Variants in ACSS3 observed in about 807,000 individuals in gnomAD.
ACSS3 encodes the protein acyl-CoA synthetase short-chain family member 3, mitochondrial.
A neutral mutation model predicts 84.2 loss-of-function variants in ACSS3; 64 were observed. The ratio of observed to expected loss-of-function variants is 0.76; its 90% CI spans 0.62 to 0.94. The LOEUF (loss-of-function observed/expected upper bound fraction) is 0.94, where lower values mean the gene tolerates loss of function less well. Among genes scored for constraint, ACSS3 ranks in the 40% least tolerant of loss-of-function variants. The pLI is 0.00. For synonymous variants in ACSS3, 317 were observed against 310.1 expected (o/e 1.02, Z -0.23); for missense variants, 815 against 867.6 (o/e 0.94, Z 0.76).
chr12:81,128,816 T>G (rs1358579372), intron 2 of ACSS3, among the ~76,000 whole-genome samples: 1 of 152,192 alleles, frequency 6.6e-6, no homozygotes, highest in Non-Finnish European at 1.5e-5. Flanking sequence ...CTGAAGTTGA[T>G]AAAAACTAGG....
chr12:81,209,132 C>A (rs1035932848), intron 9 of ACSS3, among the ~76,000 whole-genome samples: 12 of 151,822 alleles, frequency 7.9e-5, no homozygotes, highest in Non-Finnish European at 1.5e-4. Context: ...TGATCTTTAT[C>A]ATGGGAGCCT....
chr12:81,082,302 G>A (rs548382777), intron 1 of ACSS3, among the ~76,000 whole-genome samples: 16 of 152,284 alleles, frequency 1.1e-4, no homozygotes, highest in African/African-American at 3.4e-4. Flanking sequence ...CCACTTATAA[G>A]TGAGAACATG....
At chr12:81,242,488 A>T in intron 13 of ACSS3, among the ~76,000 whole-genome samples, 1 of 150,358 alleles carries the variant, frequency 6.7e-6, no homozygotes, top group Non-Finnish European at 1.5e-5. Context: ...AAAAGAGGGA[A>T]TCCTCCCTAA....
intron 9 of ACSS3, among the ~76,000 whole-genome samples, chr12:81,201,013 C>G (rs2032082583): frequency 6.6e-6 from 1 of 151,474 alleles, no homozygotes; most frequent in Non-Finnish European, 1.5e-5. Context: ...AGATGAAAAT[C>G]AGAAAGAAGC....
At position 81,129,754 on chromosome 12, in the gene ACSS3, T is replaced by C. The variant is rs552587653; in HGVS notation, c.457-5062T>C. 8.5e-5 allele frequency among the ~76,000 whole-genome samples: 13 copies of C among 152,176 alleles called. No homozygotes were observed. In the South Asian group the frequency reaches 2.7e-3, roughly 32 times the overall value. Reference sequence around the variant, plus strand: ...ACTCATCATTTACATTAGGTATTTCTCTTAATGCTATCCCTCTCCCCTCCC... The same window carrying C: ...ACTCATCATTTACATTAGGTATTTCCCTTAATGCTATCCCTCTCCCCTCCC... On this transcript the variant is annotated intron_variant, in intron 2 of 15. Transcript: ENST00000548058.
intron 11 of ACSS3, among the ~76,000 whole-genome samples, chr12:81,225,452 A>G (rs2033242687): frequency 6.6e-6 from 1 of 151,930 alleles, no homozygotes. Flanking sequence ...ATGATGAAGT[A>G]GTTTTCTGAG....
intron 1 of ACSS3, among the ~76,000 whole-genome samples, chr12:81,083,880 G>A (rs4639993): frequency 0.42 from 64,389 of 151,856 alleles, 15,338 homozygotes; most frequent in Non-Finnish European, 0.56. Context: ...TGAGGCAGGA[G>A]AATCGCTTGA....
chr12:81,087,928 AT>A (rs1161274315), intron 1 of ACSS3, among the ~76,000 whole-genome samples: 1 of 152,156 alleles, frequency 6.6e-6, no homozygotes, highest in Non-Finnish European at 1.5e-5. Flanking sequence ...TTTGAACAGT[AT>A]CTTGGTCCAA....
chr12:81,135,016 A>G lies in ACSS3; in HGVS notation c.645+12A>G, dbSNP rs1475072152. The G allele has an allele frequency of 1.3e-6, 2 of 1,558,436 alleles. No individual in the cohort carries two copies. The highest frequency in any genetic ancestry group is 8.7e-7 in the Non-Finnish European group (1 of 1,147,372). ...TTGATCATGTAAAGGTAAGTGCTTT[A>G]TTTTGGGAAATCAAGTAGTAGCTAT... is the stretch of plus-strand genomic sequence containing the variant. On this transcript the variant is annotated intron_variant, in intron 3 of 15. Transcript: ENST00000548058.
intron 8 of ACSS3, among the ~76,000 whole-genome samples, chr12:81,190,944 A>G (rs1043220956): frequency 6.6e-6 from 1 of 151,962 alleles, no homozygotes; most frequent in African/African-American, 2.4e-5. Flanking sequence ...AAATAAATAC[A>G]TCTTGGTTAA....
At chr12:81,133,122 T>G (rs1025638271) in intron 2 of ACSS3, among the ~76,000 whole-genome samples, 3 of 152,144 alleles carry the variant, frequency 2.0e-5, no homozygotes, top group African/African-American at 4.8e-5. Context: ...ATCGTGTTTT[T>G]TTTTTTCTTT....
chr12:81,179,792 A>G (rs552120296), intron 8 of ACSS3, among the ~76,000 whole-genome samples: 2 of 152,060 alleles, frequency 1.3e-5, no homozygotes, highest in African/African-American at 4.8e-5. Context: ...AAAAAAAAAA[A>G]AAAAAGGGCA....
chr12:81,220,748 C>T (rs911763183), intron 11 of ACSS3, among the ~76,000 whole-genome samples: 8 of 152,038 alleles, frequency 5.3e-5, no homozygotes, highest in East Asian at 3.9e-4. Flanking sequence ...TTTACAATGG[C>T]GAATCAATTT....
Position 81,254,884 on chromosome 12 carries a change from A to AT in ACSS3, c.2028dup (p.Gly677TrpfsTer23), listed in dbSNP as rs916255396. 10 of 1,609,400 alleles carry AT rather than the reference A, an allele frequency of 6.2e-6. No homozygotes were observed. In the Admixed American group the frequency reaches 1.5e-4, roughly 24 times the overall value. On this transcript the variant is annotated frameshift_variant, in exon 16 of 16. Transcript: ENST00000548058. LOFTEE classifies it high-confidence loss of function. ...AACTTCTACAATTGAAGACCCCAGC[A>AT]TTTTTGGCCACGTAGAAGAAATGCT... is the stretch of plus-strand genomic sequence containing the variant.
chr12:81,114,884 G>A (rs1430127323), intron 2 of ACSS3, among the ~76,000 whole-genome samples: 1 of 151,972 alleles, frequency 6.6e-6, no homozygotes, highest in Non-Finnish European at 1.5e-5. Flanking sequence ...ATATTTCCAG[G>A]CCCCCAGAAG....
At chr12:81,171,645 G>A (rs981098634) in intron 7 of ACSS3, among the ~76,000 whole-genome samples, 23 of 152,072 alleles carry the variant, frequency 1.5e-4, no homozygotes, top group Admixed American at 1.0e-3. Flanking sequence ...TAATATTGAC[G>A]AAAATTAGTT....
chr12:81,113,306 C>T (rs1447123841), intron 2 of ACSS3, among the ~76,000 whole-genome samples: 1 of 152,064 alleles, frequency 6.6e-6, no homozygotes, highest in Non-Finnish European at 1.5e-5. Flanking sequence ...CAATTGCCTA[C>T]CCTCCGCTAG....
chr12:81,078,759 A>T (rs905785451), intron 1 of ACSS3, among the ~76,000 whole-genome samples: 3 of 152,170 alleles, frequency 2.0e-5, no homozygotes, highest in African/African-American at 7.2e-5. Flanking sequence ...AGTAAGGGAG[A>T]TACTAGGTAA....
At chr12:81,160,993 AGT>A (rs1195971745) in intron 7 of ACSS3, among the ~76,000 whole-genome samples, 1 of 152,230 alleles carries the variant, frequency 6.6e-6, no homozygotes, top group Admixed American at 6.5e-5. Flanking sequence ...ACGATATAAT[AGT>A]GTAATCAGTT....
Sources: allele counts gnomAD v4.1 joint callset (sites outside exome capture counted in the v4.1 genomes callset), GRCh38; gene constraint gnomAD v4.1.1; transcripts MANE v1.5; gene names NCBI Gene and HGNC (gene_info 2026-07-23, HGNC 2026-07-21).